GRAMD1B: variants seen among roughly 807,000 people sequenced by gnomAD.
GRAMD1B encodes the protein GRAM domain containing 1B.
GRAMD1B carries 37 observed loss-of-function variants against 99.7 expected under a neutral mutation model. That is an observed-to-expected ratio of 0.37 (90% CI 0.29 to 0.49). GRAMD1B has a LOEUF of 0.49. Ranked by LOEUF, GRAMD1B falls within the 20% of genes least tolerant of loss-of-function variation. GRAMD1B has a pLI of 0.98. For synonymous variants in GRAMD1B, 427 were observed against 387.6 expected, an observed-to-expected ratio of 1.10 and a Z score of -1.19; for missense variants, 888 against 1,009.2, an observed-to-expected ratio of 0.88 and a Z score of 1.63.
At chr11:123,613,968 A>G (rs1378719123) in intron 16 of GRAMD1B, among the ~76,000 whole-genome samples, 7 of 152,122 alleles carry the variant, frequency 4.6e-5, no homozygotes, top group Admixed American at 1.3e-4. Flanking sequence ...TTCTTGGGAA[A>G]TACACTAAGG....
intron 2 of GRAMD1B, chr11:123,526,284 G>A (rs2135482855): frequency 2.2e-6 from 2 of 906,744 alleles, no homozygotes; most frequent in Middle Eastern, 4.8e-4. Flanking sequence ...AGGCATCGAG[G>A]GGTTAAGATG....
At chr11:123,378,904 A>G (rs150265998) in intron 1 of GRAMD1B, among the ~76,000 whole-genome samples, 2 of 152,234 alleles carry the variant, frequency 1.3e-5, no homozygotes, top group East Asian at 3.8e-4. Flanking sequence ...TAAATGTAAC[A>G]GGTGTGACAG....
chr11:123,481,559 C>T (rs1199895215), intron 2 of GRAMD1B, among the ~76,000 whole-genome samples: 3 of 152,138 alleles, frequency 2.0e-5, no homozygotes, highest in African/African-American at 7.2e-5. Flanking sequence ...GCATTTTGTG[C>T]CTGAGGAAGC....
chr11:123,447,209 C>T (rs775594408), intron 1 of GRAMD1B, among the ~76,000 whole-genome samples: 9 of 152,208 alleles, frequency 5.9e-5, no homozygotes, highest in Admixed American at 5.2e-4. Flanking sequence ...CACTCACACT[C>T]AGCTGCCACC....
At chr11:123,600,425 G>A in intron 7 of GRAMD1B, 43 bp from the exon 8 acceptor site, 1 of 1,258,946 alleles carries the variant, frequency 7.9e-7, no homozygotes, top group East Asian at 2.3e-5. Context: ...TAATTATATT[G>A]TAACTCAACA....
chr11:123,399,675 T>C (rs957380901), intron 1 of GRAMD1B, among the ~76,000 whole-genome samples: 1 of 152,182 alleles, frequency 6.6e-6, no homozygotes, highest in Non-Finnish European at 1.5e-5. Flanking sequence ...AGTGGCATGA[T>C]CTCGGCTCAC....
rs1938694214 is a variant in GRAMD1B at position 123,492,714 on chromosome 11, T to C, written c.452+11821T>C. Among the ~76,000 whole-genome samples the C allele has an allele frequency of 6.6e-6, 1 of 152,180 alleles. No homozygotes were observed. Among genetic ancestry groups the C allele is most frequent in the East Asian group, 1.9e-4 (1 of 5,176 alleles). On this transcript the variant is annotated intron_variant, in intron 2 of 19. Coordinates refer to ENST00000635736, the MANE Select transcript of GRAMD1B (RefSeq NM_001387025.1). This position sits in a 1 kb window ranked among gnomAD's most constrained non-coding sequence, Gnocchi z 4.2. ...GTTTTGGCGTAAAGAGAAACATCACTGAGAAAGATGGAATGAATGAAGTGA... is the reference window on the plus strand; with the variant it reads ...GTTTTGGCGTAAAGAGAAACATCACCGAGAAAGATGGAATGAATGAAGTGA...
intron 1 of GRAMD1B, among the ~76,000 whole-genome samples, chr11:123,458,187 G>A (rs576428409): frequency 2.0e-4 from 31 of 152,300 alleles, no homozygotes; most frequent in African/African-American, 5.8e-4. Context: ...ACAACACACC[G>A]GAGACCCTGG....
chr11:123,406,021 T>C (rs900464480), intron 1 of GRAMD1B, among the ~76,000 whole-genome samples: 1 of 151,730 alleles, frequency 6.6e-6, no homozygotes, highest in African/African-American at 2.4e-5. Flanking sequence ...TATTCCTTTT[T>C]TTTTTTTTTT....
At chr11:123,608,545 C>A (rs1038576140) in intron 11 of GRAMD1B, 114 bp from the exon 12 acceptor site, 2 of 1,545,716 alleles carry the variant, frequency 1.3e-6, no homozygotes, top group Admixed American at 2.0e-5. Context: ...CTCTCCATAC[C>A]CTTGTTGACT....
chr11:123,524,873 C>T (rs967482827), intron 2 of GRAMD1B, among the ~76,000 whole-genome samples: 3 of 152,146 alleles, frequency 2.0e-5, no homozygotes, highest in African/African-American at 7.2e-5. Flanking sequence ...ATTACTGACC[C>T]AGATAGTAAT....
chr11:123,451,714 A>T lies in GRAMD1B; in HGVS notation c.374+20548A>T, dbSNP rs571069054. ...AGGCTGCCAGAGAGAGGAGAGTCCA[A>T]ATCCCGCCAGCCAGCACTTGTTGCT... On this transcript the variant is annotated intron_variant, in intron 1 of 19. Transcript: ENST00000635736. Among the ~76,000 whole-genome samples the T allele has an allele frequency of 3.9e-5, 6 of 152,294 alleles. No individual in the cohort carries two copies. In the East Asian group the frequency reaches 1.2e-3, roughly 29 times the overall value.
chr11:123,579,403 T>A (rs1252017941), intron 3 of GRAMD1B, among the ~76,000 whole-genome samples: 1 of 152,210 alleles, frequency 6.6e-6, no homozygotes, highest in Non-Finnish European at 1.5e-5. Flanking sequence ...TAGTCTGTGA[T>A]CTTTAGACTA....
At chr11:123,551,672 G>T (rs185995593) in intron 2 of GRAMD1B, among the ~76,000 whole-genome samples, 1 of 152,264 alleles carries the variant, frequency 6.6e-6, no homozygotes, top group Admixed American at 6.5e-5. Context: ...ACTCTAATTT[G>T]CATAATTAAG....
intron 2 of GRAMD1B, among the ~76,000 whole-genome samples, chr11:123,482,000 T>C (rs892597376): frequency 5.9e-5 from 9 of 152,162 alleles, no homozygotes; most frequent in Admixed American, 3.9e-4. Context: ...CCAAGGATGA[T>C]AGAATCAAGA....
intron 2 of GRAMD1B, among the ~76,000 whole-genome samples, chr11:123,554,991 C>G (rs1252394820): frequency 6.6e-6 from 1 of 152,130 alleles, no homozygotes; most frequent in Non-Finnish European, 1.5e-5. Context: ...TGGAAACTGC[C>G]CATTAGGGTA....
At chr11:123,457,117 A>AGAAAGAAAAGAAAGAAAGAAAG in intron 1 of GRAMD1B, among the ~76,000 whole-genome samples, 1 of 99,432 alleles carries the variant, frequency 1.0e-5, no homozygotes, top group Non-Finnish European at 2.2e-5. Flanking sequence ...TTCTGAGAAA[A>AGAAAGAAAAGAAAGAAAGAAAG]AAAGAAAGAA....
At chr11:123,593,784 TGGAG>T (rs1950943156) in intron 4 of GRAMD1B, among the ~76,000 whole-genome samples, 1 of 152,142 alleles carries the variant, frequency 6.6e-6, no homozygotes, top group African/African-American at 2.4e-5. Context: ...GGAAGCACCC[TGGAG>T]GTGTCCCTCC....
chr11:123,474,517 A>G lies in GRAMD1B; in HGVS notation c.375-6299A>G, dbSNP rs114443563. On this transcript the variant is annotated intron_variant, in intron 1 of 19. Coordinates refer to ENST00000635736, the MANE Select transcript of GRAMD1B (RefSeq NM_001387025.1). ...GAGGACTAAGTTGTGAGTAATCGCA[A>G]TAAGTCTCCATTTTTCAGGAAATAG... Among the ~76,000 whole-genome samples the G allele has an allele frequency of 4.9e-3, 747 of 152,314 alleles. 6 individuals carry two copies. The highest frequency in any genetic ancestry group is 0.016 in the African/African-American group (658 of 41,576).
Sources: allele counts gnomAD v4.1 joint callset (sites outside exome capture counted in the v4.1 genomes callset), GRCh38; gene constraint gnomAD v4.1.1; non-coding constraint Gnocchi (gnomAD v3.1); transcripts MANE v1.5; gene names NCBI Gene and HGNC (gene_info 2026-07-23, HGNC 2026-07-21).